The following ARHGAP20 variants were observed in gnomAD, a reference collection of about 807,000 sequenced individuals.
The protein encoded by ARHGAP20 is Rho GTPase activating protein 20, also known as rho GTPase-activating protein 20.
Under a neutral mutation model 73.7 loss-of-function variants are expected in ARHGAP20, and 34 were observed. That is an observed-to-expected ratio of 0.46 (90% CI 0.35 to 0.61). ARHGAP20 has a LOEUF of 0.61. Ranked by LOEUF, ARHGAP20 falls within the 20% of genes least tolerant of loss-of-function variation. The pLI, the probability that ARHGAP20 is intolerant of heterozygous loss-of-function variation, is 0.00. For synonymous variants in ARHGAP20, 523 were observed against 518.2 expected, an observed-to-expected ratio of 1.01 and a Z score of -0.13; for missense variants, 1,314 against 1,420.9, an observed-to-expected ratio of 0.92 and a Z score of 1.21.
Position 110,577,187 on chromosome 11 carries a change from A to G in ARHGAP20, c.*2183T>C, listed in dbSNP as rs891392248. On this transcript the variant is annotated 3_prime_UTR_variant, in exon 15 of 15. Transcript: ENST00000683387. ...CAAAAATACACATTTATTACATAAC[A>G]TATGGTAGTAAAATTTGTCAAGATA... 6.5e-7 allele frequency: 1 copy of G among 1,528,990 alleles called. No homozygotes were observed. Among genetic ancestry groups the G allele is most frequent in the East Asian group, 2.5e-5 (1 of 40,746 alleles). The allele number at this position is 1,528,990 out of a possible 1,614,324, so 94.7% of individuals were successfully genotyped here.
chr11:110,656,544 C>A (rs113710836), intron 2 of ARHGAP20, among the ~76,000 whole-genome samples: 38 of 152,198 alleles, frequency 2.5e-4, no homozygotes, highest in African/African-American at 8.7e-4. Context: ...GGAGAGAGTT[C>A]CCTCTCCAAG....
rs912230262 is a variant in ARHGAP20, at chr11:110,647,828, A to G, written c.189-17036T>C. Among the ~76,000 whole-genome samples the G allele has an allele frequency of 5.9e-5, 9 of 152,044 alleles. No homozygotes were observed. The South Asian group carries it at 6.2e-4, about 10-fold the overall frequency. ...CATAAAATCTATTCATAACTAGAAT[A>G]GGCATTCTCTCATATGTTACAGAAA... On this transcript the variant is annotated intron_variant, in intron 2 of 14. Coordinates refer to ENST00000683387, the MANE Select transcript of ARHGAP20 (RefSeq NM_001384657.1).
intron 9 of ARHGAP20, among the ~76,000 whole-genome samples, chr11:110,595,621 C>G (rs2134841308): frequency 6.6e-6 from 1 of 152,274 alleles, no homozygotes; most frequent in African/African-American, 2.4e-5. Flanking sequence ...GAACTACAAA[C>G]CACTGCCCAA....
chr11:110,657,901 A>G (rs1309564482), intron 2 of ARHGAP20, among the ~76,000 whole-genome samples: 3 of 145,436 alleles, frequency 2.1e-5, no homozygotes, highest in Non-Finnish European at 4.5e-5. Context: ...ACAAAAAAAA[A>G]AAGAAAGAAA....
chr11:110,694,026 A>C (rs1181422924), intron 1 of ARHGAP20, among the ~76,000 whole-genome samples: 1 of 151,958 alleles, frequency 6.6e-6, no homozygotes, highest in Non-Finnish European at 1.5e-5. Context: ...AGAAACGATA[A>C]ACTATACATT....
rs901270913 is a variant in ARHGAP20 at position 110,712,418 on chromosome 11, C to T, written c.-187G>A. On this transcript the variant is annotated 5_prime_UTR_variant, in exon 1 of 15. Transcript: ENST00000683387. ...ATGTACCTCCGCCTGCGCTCGACAC[C>T]GCGGGCTGGAGGCGAGTGCAGCGGC... 9.8e-6 allele frequency: 3 copies of T among 305,706 alleles called. No homozygotes were observed. The highest frequency in any genetic ancestry group is 1.7e-5 in the Non-Finnish European group (3 of 172,326). The allele number at this position is 305,706 out of a possible 1,614,324, so 18.9% of individuals were successfully genotyped here.
intron 2 of ARHGAP20, among the ~76,000 whole-genome samples, chr11:110,636,899 A>G (rs1221962288): frequency 6.6e-6 from 1 of 151,960 alleles, no homozygotes; most frequent in East Asian, 1.9e-4. Flanking sequence ...AAAGGGTAAG[A>G]CTATAACCTT....
intron 3 of ARHGAP20, among the ~76,000 whole-genome samples, chr11:110,625,711 T>C (rs1439804000): frequency 6.6e-6 from 1 of 152,078 alleles, no homozygotes; most frequent in African/African-American, 2.4e-5. Context: ...AACCACCATA[T>C]CTCTTGACCT....
chr11:110,688,960 CT>C (rs1950188714), intron 2 of ARHGAP20, among the ~76,000 whole-genome samples: 1 of 150,028 alleles, frequency 6.7e-6, no homozygotes. Context: ...GGATATATAA[CT>C]TATTTTTAAT....
In ARHGAP20 at chr11:110,577,084, C is replaced by T. The variant is rs1180680663; in HGVS notation, c.*2286G>A. On this transcript the variant is annotated 3_prime_UTR_variant, in exon 15 of 15. Coordinates refer to ENST00000683387, the MANE Select transcript of ARHGAP20 (RefSeq NM_001384657.1). ...GAATGGCATTTTATTTAACAGACAG[C>T]ATGGACTTCATACATATCCATTATC... The T allele has an allele frequency of 4.6e-6, 7 of 1,517,194 alleles. No individual in the cohort carries two copies. In the Admixed American group the frequency reaches 1.0e-4, roughly 22 times the overall value. 94.0% of individuals were successfully genotyped at this position (1,517,194 alleles called of 1,614,324 possible). A position where few individuals can be genotyped will look rare whatever the true frequency, so the allele number is the denominator to read the frequency against.
chr11:110,699,409 G>C (rs574556017), intron 1 of ARHGAP20, among the ~76,000 whole-genome samples: 14 of 152,004 alleles, frequency 9.2e-5, no homozygotes, highest in Admixed American at 3.9e-4. Context: ...GTAAATGTTT[G>C]TTAGGTCCAT....
intron 12 of ARHGAP20, 50 bp downstream of exon 12, chr11:110,586,166 T>C (rs1386489723): frequency 4.1e-6 from 4 of 971,438 alleles, no homozygotes; most frequent in Admixed American, 2.9e-5. Flanking sequence ...AATAATCTTA[T>C]AAAATATTTT....
At chr11:110,615,866 G>A (rs1270036876) in intron 4 of ARHGAP20, among the ~76,000 whole-genome samples, 3 of 152,158 alleles carry the variant, frequency 2.0e-5, no homozygotes, top group Non-Finnish European at 4.4e-5. Flanking sequence ...TTTTTTACAA[G>A]TGGTATTATA....
rs1052138239 is a variant in ARHGAP20 at position 110,696,690 on chromosome 11, C to G, written c.106-6061G>C. The stretch of plus-strand genomic sequence containing the variant: ...ATTACCCAAATAGTGAACATTGTAT[C>G]TGATAGGTAGTTTTTCAACTCTTGC... On this transcript the variant is annotated intron_variant, in intron 1 of 14. Coordinates refer to ENST00000683387, the MANE Select transcript of ARHGAP20 (RefSeq NM_001384657.1). 2.6e-5 allele frequency among the ~76,000 whole-genome samples: 4 copies of G among 151,606 alleles called. No homozygotes were observed. The East Asian group carries it at 7.7e-4, about 29-fold the overall frequency.
At position 110,592,063 on chromosome 11, in the gene ARHGAP20, A is replaced by C. The variant is rs749698478; in HGVS notation, c.1057T>G (p.Ser353Ala). The C allele has an allele frequency of 3.7e-6, 6 of 1,614,192 alleles. No homozygotes were observed. In the South Asian group the frequency reaches 5.5e-5, roughly 15 times the overall value. ...SSTHLDNLPS[S>A]PTSPMPGQLF... ...TGTCCTGGCATAGGTGATGTTGGCG[A>C]TGAGGGCAAGTTGTCCAGGTGAGTG... Residue 353 changes from serine (S) to alanine (A), a missense_variant, in exon 10 of 15, where the codon TCG (serine) becomes GCG (alanine). Physicochemically the swap from Ser to Ala is moderately conservative, Grantham distance 99 (BLOSUM62 1). Transcript: ENST00000683387.
At chr11:110,674,311 C>G (rs1248878683) in intron 2 of ARHGAP20, among the ~76,000 whole-genome samples, 2 of 152,132 alleles carry the variant, frequency 1.3e-5, no homozygotes, top group Non-Finnish European at 2.9e-5. Context: ...ACACAATGTA[C>G]TTAGTTTAGA....
At chr11:110,712,898 A>AC (rs563168395), upstream of ARHGAP20, 1 of 152,314 alleles carries the variant, frequency 6.6e-6, no homozygotes, top group Non-Finnish European at 1.5e-5. Flanking sequence ...GGAATCCCCC[A>AC]CCCCACCCCA....
At chr11:110,601,526 A>T (rs1182307449) in intron 9 of ARHGAP20, among the ~76,000 whole-genome samples, 1 of 152,186 alleles carries the variant, frequency 6.6e-6, no homozygotes, top group Non-Finnish European at 1.5e-5. Flanking sequence ...AATTATGCAT[A>T]TTTTAATCAT....
In ARHGAP20 at chr11:110,590,821, C is replaced by G. The variant is rs1376624718; in HGVS notation, c.1144-12G>C. 6.2e-7 allele frequency: 1 copy of G among 1,607,694 alleles called. No individual in the cohort carries two copies. On this transcript the variant is annotated splice_polypyrimidine_tract_variant and intron_variant, in intron 10 of 14. Coordinates refer to ENST00000683387, the MANE Select transcript of ARHGAP20 (RefSeq NM_001384657.1). ...AAGAAAAGCATATCCTATGGGGAAGCAAAGGAAAATAAACAAAATGACACT... is the reference window on the plus strand; with the variant it reads ...AAGAAAAGCATATCCTATGGGGAAGGAAAGGAAAATAAACAAAATGACACT...
Sources: gnomAD v4.1 joint callset for allele counts (sites outside exome capture counted in the v4.1 genomes callset) on GRCh38, gnomAD v4.1.1 for gene constraint, MANE v1.5 for transcripts, NCBI Gene and HGNC (gene_info 2026-07-23, HGNC 2026-07-21) for gene names.